The following AKAP13 variants were observed in gnomAD, a reference collection of about 807,000 sequenced individuals.
AKAP13 encodes A-kinase anchoring protein 13, also known as A-kinase anchor protein 13.
A neutral mutation model predicts 264.5 loss-of-function variants in AKAP13; 80 were observed. That is an observed-to-expected ratio of 0.30 (90% CI 0.25 to 0.36). The LOEUF (loss-of-function observed/expected upper bound fraction) is 0.36. Among genes scored for constraint, AKAP13 ranks in the 10% least tolerant of loss-of-function variants. AKAP13 has a pLI of 1.00. For missense variants in AKAP13, 3,712 were observed against 3,435.2 expected (o/e 1.08, Z -2.01); for synonymous variants, 1,380 against 1,250.2 (o/e 1.10, Z -2.19).
chr15:85,700,462 T>G (rs1444072913), intron 17 of AKAP13, among the ~76,000 whole-genome samples: 2 of 152,184 alleles, frequency 1.3e-5, no homozygotes, highest in African/African-American at 4.8e-5. Flanking sequence ...CTTGGAGACT[T>G]CCATTGCCCA....
At chr15:85,421,386 G>A (rs1386340917) in intron 1 of AKAP13, among the ~76,000 whole-genome samples, 1 of 152,232 alleles carries the variant, frequency 6.6e-6, no homozygotes, top group Non-Finnish European at 1.5e-5. Flanking sequence ...GTTATTTGCT[G>A]TATTGAGAAA....
At chr15:85,713,300 T>G (rs2151704498) in intron 19 of AKAP13, among the ~76,000 whole-genome samples, 1 of 152,318 alleles carries the variant, frequency 6.6e-6, no homozygotes, top group South Asian at 2.1e-4. Flanking sequence ...TTCTACCTGC[T>G]TCATCTTCTA....
At chr15:85,659,272 T>G (rs1269510423) in intron 12 of AKAP13, among the ~76,000 whole-genome samples, 1 of 152,240 alleles carries the variant, frequency 6.6e-6, no homozygotes, top group Admixed American at 6.5e-5. Context: ...TAGAAGTCAT[T>G]AGTGACCTTC....
At chr15:85,742,350 A>G (rs1226410444) in intron 35 of AKAP13, among the ~76,000 whole-genome samples, 11 of 152,234 alleles carry the variant, frequency 7.2e-5, no homozygotes, top group Non-Finnish European at 1.5e-4. Flanking sequence ...AAGCACACCA[A>G]GAATAAAAGA....
intron 1 of AKAP13, among the ~76,000 whole-genome samples, chr15:85,445,743 A>C (rs1368686917): frequency 6.6e-6 from 1 of 152,202 alleles, no homozygotes; most frequent in African/African-American, 2.4e-5. Context: ...GCACAAACAG[A>C]GAGAGCTAAA....
intron 3 of AKAP13, among the ~76,000 whole-genome samples, chr15:85,529,408 G>A (rs1305971140): frequency 1.3e-5 from 2 of 152,120 alleles, no homozygotes; most frequent in African/African-American, 4.8e-5. Context: ...GAGACAGAGC[G>A]AGACTCCGTC....
At chr15:85,502,026 G>A (rs1315211021) in intron 2 of AKAP13, among the ~76,000 whole-genome samples, 1 of 152,168 alleles carries the variant, frequency 6.6e-6, no homozygotes, top group Admixed American at 6.6e-5. Context: ...TCAAACTTGA[G>A]CATGCATTTG....
chr15:85,583,004 ACTT>A, intron 7 of AKAP13: 1 of 985,378 alleles, frequency 1.0e-6, no homozygotes, highest in Non-Finnish European at 1.2e-6. Flanking sequence ...TCTGAATAAA[ACTT>A]CTTAACGGGG....
At position 85,652,352 on chromosome 15, in the gene AKAP13, G is replaced by A. The variant is rs535426378; in HGVS notation, c.4375-3065G>A. ...CAAGATTGGATGCCAGAGTGAAGAA[G>A]CACCTATATAACTGTCTGTGAGTTG... On this transcript the variant is annotated intron_variant, in intron 10 of 36. Coordinates refer to ENST00000394518, the MANE Select transcript of AKAP13 (RefSeq NM_007200.5). 1.2e-4 allele frequency among the ~76,000 whole-genome samples: 18 copies of A among 152,290 alleles called. 1 individual carries two copies. The South Asian group carries it at 1.9e-3, about 16-fold the overall frequency.
rs976553702 is a variant in AKAP13 at position 85,747,217 on chromosome 15, C to A, written c.*2540C>A. ...AACCGCTTACCAAGAACTGTGCTTA[C>A]ATACCTTTGTCATCTCTCTTCCCCC... On this transcript the variant is annotated 3_prime_UTR_variant, in exon 37 of 37. Coordinates refer to ENST00000394518, the MANE Select transcript of AKAP13 (RefSeq NM_007200.5). The A allele has an allele frequency of 3.3e-5, 5 of 152,214 alleles. No individual in the cohort carries two copies. The highest frequency in any genetic ancestry group is 9.7e-5 in the African/African-American group (4 of 41,432). 9.4% of individuals were successfully genotyped at this position (152,214 alleles called of 1,614,324 possible). A position where few individuals can be genotyped will look rare whatever the true frequency, so the allele number is the denominator to read the frequency against.
intron 2 of AKAP13, among the ~76,000 whole-genome samples, chr15:85,501,220 A>G (rs376692583): frequency 1.2e-3 from 186 of 152,310 alleles, no homozygotes; most frequent in East Asian, 3.7e-3. Context: ...CCCAGGCAGC[A>G]TAATATTAAG....
chr15:85,551,296 C>T (rs985141370), intron 5 of AKAP13, among the ~76,000 whole-genome samples: 1 of 152,188 alleles, frequency 6.6e-6, no homozygotes, highest in African/African-American at 2.4e-5. Context: ...AATGTACTTT[C>T]TGAAGATAAT....
Position 85,727,556 on chromosome 15 carries a change from A to G in AKAP13, c.7087+93A>G. 7.0e-7 allele frequency: 1 copy of G among 1,428,106 alleles called. No homozygotes were observed. Among genetic ancestry groups the G allele is most frequent in the Non-Finnish European group, 9.7e-7 (1 of 1,026,012 alleles). The allele number at this position is 1,428,106 out of a possible 1,614,324, so 88.5% of individuals were successfully genotyped here. On this transcript the variant is annotated intron_variant, in intron 29 of 36. Transcript: ENST00000394518. This position sits in a 1 kb window ranked among gnomAD's most constrained non-coding sequence, Gnocchi z 5.3. Reference sequence around the variant, plus strand: ...ATTTTAGAGGTACGGGTTTGCCCTCAGTTCTAAAGCTGCCCCAGCAGGCAC... The same window carrying G: ...ATTTTAGAGGTACGGGTTTGCCCTCGGTTCTAAAGCTGCCCCAGCAGGCAC...
chr15:85,472,033 G>A (rs1034207679), intron 1 of AKAP13, among the ~76,000 whole-genome samples: 24 of 151,618 alleles, frequency 1.6e-4, no homozygotes, highest in African/African-American at 5.6e-4. Context: ...CAAGTTTTTC[G>A]GTCTTCAGTA....
chr15:85,495,430 A>G (rs1053351753), intron 2 of AKAP13, among the ~76,000 whole-genome samples: 4 of 152,140 alleles, frequency 2.6e-5, no homozygotes, highest in Non-Finnish European at 4.4e-5. Context: ...CTATAAGAAC[A>G]CATTTCAAGA....
intron 2 of AKAP13, among the ~76,000 whole-genome samples, chr15:85,521,108 G>T (rs913205476): frequency 8.6e-5 from 13 of 152,012 alleles, no homozygotes; most frequent in African/African-American, 3.1e-4. Context: ...GTCTCCCCCT[G>T]CCCCTCCCCT....
intron 1 of AKAP13, among the ~76,000 whole-genome samples, chr15:85,462,993 C>G (rs2074576678): frequency 1.5e-5 from 2 of 129,140 alleles, no homozygotes; most frequent in Admixed American, 1.8e-4. Context: ...CACTGCACTC[C>G]AGCCTGGGCG....
At chr15:85,437,070 T>C (rs1269443854) in intron 1 of AKAP13, among the ~76,000 whole-genome samples, 4 of 144,766 alleles carry the variant, frequency 2.8e-5, no homozygotes, top group African/African-American at 1.0e-4. Context: ...GATAGACCAC[T>C]AGCAAGACTA....
intron 7 of AKAP13, chr15:85,582,884 T>G: frequency 1.0e-6 from 1 of 985,552 alleles, no homozygotes; most frequent in Non-Finnish European, 1.2e-6. Flanking sequence ...TTTATCTTGG[T>G]GAAGCAGCTG....
Sources: gnomAD v4.1 joint callset for allele counts (sites outside exome capture counted in the v4.1 genomes callset) on GRCh38, gnomAD v4.1.1 for gene constraint, Gnocchi (gnomAD v3.1) non-coding constraint, MANE v1.5 for transcripts, NCBI Gene and HGNC (gene_info 2026-07-23, HGNC 2026-07-21) for gene names.